Variants in CALCRL observed in about 807,000 individuals in gnomAD.
CALCRL encodes calcitonin gene-related peptide type 1 receptor.
Under a neutral mutation model 60.4 loss-of-function variants are expected in CALCRL, and 27 were observed. The ratio of observed to expected loss-of-function variants is 0.45; its 90% CI spans 0.33 to 0.62. The LOEUF is 0.62. CALCRL is among the 20% of genes least tolerant of loss of function. The pLI is 0.03. For synonymous variants in CALCRL, 190 were observed against 182.6 expected (o/e 1.04, Z -0.33); for missense variants, 424 against 540.7 (o/e 0.78, Z 2.14).
intron 8 of CALCRL, among the ~76,000 whole-genome samples, chr2:187,374,765 C>CT (rs1687674648): frequency 6.6e-6 from 1 of 152,036 alleles, no homozygotes; most frequent in Admixed American, 6.6e-5. Context: ...ATCAGTAACT[C>CT]TTACTACTCA....
intron 1 of CALCRL, among the ~76,000 whole-genome samples, chr2:187,401,263 C>T (rs1043805272): frequency 6.6e-6 from 1 of 151,748 alleles, no homozygotes; most frequent in South Asian, 2.1e-4. Context: ...TCTCACCTCT[C>T]CTGCCTTCTT....
intron 1 of CALCRL, among the ~76,000 whole-genome samples, chr2:187,421,316 G>T (rs1430265895): frequency 6.6e-6 from 1 of 152,004 alleles, no homozygotes; most frequent in African/African-American, 2.4e-5. Flanking sequence ...ACCTTGTTAG[G>T]CCTCAGAAGC....
At chr2:187,391,904 T>C (rs918578009) in intron 1 of CALCRL, among the ~76,000 whole-genome samples, 7 of 152,118 alleles carry the variant, frequency 4.6e-5, no homozygotes, top group African/African-American at 1.7e-4. Flanking sequence ...AATTTCTTAA[T>C]ATATTATACA....
intron 9 of CALCRL, 128 bp downstream of exon 9, chr2:187,363,248 A>G: frequency 1.2e-6 from 1 of 855,036 alleles, no homozygotes; most frequent in South Asian, 3.3e-5. Flanking sequence ...ACTTGAAAAT[A>G]TATATATATG....
intron 12 of CALCRL, among the ~76,000 whole-genome samples, chr2:187,352,786 A>C (rs1048097216): frequency 2.0e-5 from 3 of 151,928 alleles, no homozygotes; most frequent in African/African-American, 7.2e-5. Flanking sequence ...CATAATAACC[A>C]TTTTCATCTT....
intron 4 of CALCRL, among the ~76,000 whole-genome samples, 191 bp downstream of exon 4, chr2:187,385,354 C>T (rs1368996853): frequency 1.3e-5 from 2 of 152,016 alleles, no homozygotes; most frequent in African/African-American, 4.8e-5. Flanking sequence ...CTGATCCCCT[C>T]CAATTCCTTC....
chr2:187,359,726 A>C (rs930938975), intron 10 of CALCRL, among the ~76,000 whole-genome samples: 1 of 152,132 alleles, frequency 6.6e-6, no homozygotes, highest in African/African-American at 2.4e-5. Context: ...GAAGAGAAGA[A>C]GAAAAAAAGT....
At chr2:187,380,036 A>G (rs1057334676) in intron 7 of CALCRL, among the ~76,000 whole-genome samples, 1 of 152,182 alleles carries the variant, frequency 6.6e-6, no homozygotes, top group Non-Finnish European at 1.5e-5. Flanking sequence ...AGTGCGAATA[A>G]CCTAAGACCC....
intron 9 of CALCRL, 57 bp from the exon 10 acceptor site, chr2:187,360,808 A>C: frequency 1.3e-6 from 2 of 1,495,498 alleles, no homozygotes; most frequent in South Asian, 2.5e-5. Context: ...CATGTAAAGC[A>C]ATACTCTAGT....
chr2:187,380,887 A>G, intron 5 of CALCRL, 100 bp from the exon 6 acceptor site: 2 of 729,424 alleles, frequency 2.7e-6, no homozygotes, highest in Non-Finnish European at 4.5e-6. Flanking sequence ...AGTAAAGGCT[A>G]TCTACTGAAA....
chr2:187,374,994 C>G (rs1393589522), intron 8 of CALCRL, among the ~76,000 whole-genome samples: 1 of 152,064 alleles, frequency 6.6e-6, no homozygotes, highest in Non-Finnish European at 1.5e-5. Flanking sequence ...TTGAGTTGGC[C>G]GGGCGCGGTG....
chr2:187,358,562 A>G (rs1686905758), intron 12 of CALCRL, among the ~76,000 whole-genome samples: 1 of 142,104 alleles, frequency 7.0e-6, no homozygotes, highest in African/African-American at 2.7e-5. Flanking sequence ...TCTCTGTGCC[A>G]CAGGAGGATG....
intron 4 of CALCRL, among the ~76,000 whole-genome samples, chr2:187,385,283 T>G (rs1284647546): frequency 6.6e-6 from 1 of 152,180 alleles, no homozygotes; most frequent in African/African-American, 2.4e-5. Context: ...TCCATTTTTT[T>G]TTCAATCTCT....
At chr2:187,347,962 A>C (rs1574201075) in intron 14 of CALCRL, among the ~76,000 whole-genome samples, 1 of 151,928 alleles carries the variant, frequency 6.6e-6, no homozygotes. Flanking sequence ...ATTATGATGA[A>C]GTTCAGTAAC....
rs1686263237 is a variant in CALCRL at position 187,346,243 on chromosome 2, C to T, written c.1327G>A (p.Gly443Arg). The T allele has an allele frequency of 1.9e-6, 3 of 1,611,604 alleles. No individual in the cohort carries two copies. The highest frequency in any genetic ancestry group is 2.5e-6 in the Non-Finnish European group (3 of 1,178,596). Reference protein sequence around the residue: ...SHDCPSEHLNGKSIHDIENVL... With the variant: ...SHDCPSEHLNRKSIHDIENVL... ...TTTTCAATATCATGGATGCTTTTTCCATTTAAGTGTTCACTAGGACAGTCA... is the reference window on the plus strand; with the variant it reads ...TTTTCAATATCATGGATGCTTTTTCTATTTAAGTGTTCACTAGGACAGTCA... The change falls in exon 15 of 15, where the codon GGA becomes AGA. Residue 443 changes from glycine (G) to arginine (R), a missense_variant. Around this residue, in one of 7 missense-constraint regions of CALCRL, gnomAD observed 222 missense variants for 265.6 expected, o/e 0.84. Coordinates refer to ENST00000392370, the MANE Select transcript of CALCRL (RefSeq NM_005795.6).
intron 12 of CALCRL, among the ~76,000 whole-genome samples, chr2:187,357,292 G>A (rs1325109333): frequency 6.6e-6 from 1 of 151,792 alleles, no homozygotes; most frequent in Non-Finnish European, 1.5e-5. Context: ...AAGAAAATGT[G>A]GCATATATAC....
At position 187,386,989 on chromosome 2, in the gene CALCRL, G is replaced by T. The variant is rs371084570; in HGVS notation, c.-37+340C>A. 8.5e-5 allele frequency among the ~76,000 whole-genome samples: 13 copies of T among 152,272 alleles called. No homozygotes were observed. The East Asian group carries it at 1.9e-3, about 23-fold the overall frequency. ...TTCCCAGCCACGTGAAACTGTAAGT[G>T]CATTAAACCTCTTTCTTTTGTAAAT... On this transcript the variant is annotated intron_variant, in intron 3 of 14. Transcript: ENST00000392370.
At chr2:187,405,134 C>T (rs1449412595) in intron 1 of CALCRL, among the ~76,000 whole-genome samples, 7 of 151,960 alleles carry the variant, frequency 4.6e-5, no homozygotes, top group Non-Finnish European at 1.0e-4. Flanking sequence ...CACACAATTC[C>T]ATATCACAAG....
At position 187,385,620 on chromosome 2, in the gene CALCRL, G is replaced by T. The variant is rs1181299096; in HGVS notation, c.-25C>A. 6.6e-7 allele frequency: 1 copy of T among 1,516,634 alleles called. No individual in the cohort carries two copies. The highest frequency in any genetic ancestry group is 9.0e-7 in the Non-Finnish European group (1 of 1,112,048). 93.9% of individuals were successfully genotyped at this position (1,516,634 alleles called of 1,614,324 possible). On this transcript the variant is annotated 5_prime_UTR_variant, in exon 4 of 15. The change creates a premature stop within an existing upstream ORF in the 5' untranslated region. Coordinates refer to ENST00000392370, the MANE Select transcript of CALCRL (RefSeq NM_005795.6). ...TCATTAAGCCAAAATGAAATATGCT[G>T]TATAACATAAACTGCAACAGAAAAT... is the stretch of plus-strand genomic sequence containing the variant.
Sources: gnomAD v4.1 joint callset for allele counts (sites outside exome capture counted in the v4.1 genomes callset) on GRCh38, gnomAD v4.1.1 for gene constraint, gnomAD v4.1.1 regional missense constraint, MANE v1.5 for transcripts, NCBI Gene and HGNC (gene_info 2026-07-23, HGNC 2026-07-21) for gene names.